CNOT7: variants seen among roughly 807,000 people sequenced by gnomAD.
The protein encoded by CNOT7 is BTG1-binding factor 1.
Under a neutral mutation model 37.1 loss-of-function variants are expected in CNOT7, and 4 were observed. The ratio of observed to expected loss-of-function variants is 0.11; its 90% CI spans 0.05 to 0.25. CNOT7 has a LOEUF of 0.25. Ranked by LOEUF, CNOT7 falls within the 10% of genes least tolerant of loss-of-function variation. The probability of loss-of-function intolerance (pLI) is 1.00; values close to 1 mark genes in which losing one functional copy is unlikely to be tolerated. For synonymous variants in CNOT7, 128 were observed against 115.6 expected, an observed-to-expected ratio of 1.11 and a Z score of -0.69; for missense variants, 170 against 336.2, an observed-to-expected ratio of 0.51 and a Z score of 3.87.
Position 17,240,889 on chromosome 8 carries a change from C to T in CNOT7, c.311+2103G>A, listed in dbSNP as rs117500444. On this transcript the variant is annotated intron_variant, in intron 3 of 6. Coordinates refer to ENST00000361272, the MANE Select transcript of CNOT7 (RefSeq NM_013354.7). ...GTTCAATCTTTTGGCTTCCTTGGGC[C>T]ATACTCAAAGAACTGTCTTGGGCCA... 2.1e-3 allele frequency among the ~76,000 whole-genome samples: 324 copies of T among 152,220 alleles called. 2 individuals carry two copies. Among genetic ancestry groups the T allele is most frequent in the Non-Finnish European group, 3.3e-3 (227 of 68,010 alleles).
rs1585763452 is a variant in CNOT7, at chr8:17,228,020, A to G, written c.*2700T>C. 1 of 152,078 alleles carries G rather than the reference A, an allele frequency of 6.6e-6. No homozygotes were observed. Among genetic ancestry groups the G allele is most frequent in the East Asian group, 1.9e-4 (1 of 5,186 alleles). 9.4% of individuals were successfully genotyped at this position (152,078 alleles called of 1,614,324 possible). A position where few individuals can be genotyped will look rare whatever the true frequency, so the allele number is the denominator to read the frequency against. ...ACTCAACTTTCCCATTATAGCAAAAAAGTATCCATAGATAATATGTAAATT... is the reference window on the plus strand; with the variant it reads ...ACTCAACTTTCCCATTATAGCAAAAGAGTATCCATAGATAATATGTAAATT... On this transcript the variant is annotated 3_prime_UTR_variant, in exon 7 of 7. Coordinates refer to ENST00000361272, the MANE Select transcript of CNOT7 (RefSeq NM_013354.7).
In CNOT7 at chr8:17,229,039, G is replaced by T. The variant is rs1306577892; in HGVS notation, c.*1681C>A. 6.6e-6 allele frequency: 1 copy of T among 151,866 alleles called. No homozygotes were observed. The highest frequency in any genetic ancestry group is 2.4e-5 in the African/African-American group (1 of 41,388). 9.4% of individuals were successfully genotyped at this position (151,866 alleles called of 1,614,324 possible). A position where few individuals can be genotyped will look rare whatever the true frequency, so the allele number is the denominator to read the frequency against. The stretch of plus-strand genomic sequence containing the variant: ...GTCAGTCCTTAATTAGCTAGTTGAG[G>T]TACTCATAAAGAACAAGAATAAGCC... On this transcript the variant is annotated 3_prime_UTR_variant, in exon 7 of 7. Transcript: ENST00000361272.
Position 17,227,323 on chromosome 8 carries a change from C to A in CNOT7, c.*3397G>T, listed in dbSNP as rs137985079. On this transcript the variant is annotated 3_prime_UTR_variant, in exon 7 of 7. Transcript: ENST00000361272. ...CACTTGTAGTTCCATACAAATTCTT[C>A]GATCACTTCAAATCCAGCAATGGTT... 1 of 151,804 alleles carries A rather than the reference C, an allele frequency of 6.6e-6. No homozygotes were observed. Among genetic ancestry groups the A allele is most frequent in the Admixed American group, 6.6e-5 (1 of 15,220 alleles). The allele number at this position is 151,804 out of a possible 1,614,324, so 9.4% of individuals were successfully genotyped here. A position where few individuals can be genotyped will look rare whatever the true frequency, so the allele number is the denominator to read the frequency against.
At chr8:17,245,621 C>T (rs1179595645) in intron 1 of CNOT7, among the ~76,000 whole-genome samples, 3 of 152,122 alleles carry the variant, frequency 2.0e-5, no homozygotes, top group East Asian at 3.8e-4. Context: ...TCAGATGTTA[C>T]CATGGCAAAG....
Position 17,245,246 on chromosome 8 carries a change from A to C in CNOT7, c.-94T>G. On this transcript the variant is annotated splice_region_variant and 5_prime_UTR_variant, in exon 2 of 7. Transcript: ENST00000361272. ...AAAATATTTTATCCTTTATTTATGTACCTGTCAAAATAAAAAAACAATATG... is the reference window on the plus strand; with the variant it reads ...AAAATATTTTATCCTTTATTTATGTCCCTGTCAAAATAAAAAAACAATATG... 1 of 1,306,002 alleles carries C rather than the reference A, an allele frequency of 7.7e-7. No homozygotes were observed. Among genetic ancestry groups the C allele is most frequent in the East Asian group, 2.7e-5 (1 of 37,474 alleles). 80.9% of individuals were successfully genotyped at this position (1,306,002 alleles called of 1,614,324 possible). A position where few individuals can be genotyped will look rare whatever the true frequency, so the allele number is the denominator to read the frequency against.
rs1585767936 is a variant in CNOT7 at position 17,229,766 on chromosome 8, A to G, written c.*954T>C. 2 of 152,050 alleles carry G rather than the reference A, an allele frequency of 1.3e-5. No individual in the cohort carries two copies. The highest frequency in any genetic ancestry group is 4.8e-5 in the African/African-American group (2 of 41,438). 9.4% of individuals were successfully genotyped at this position (152,050 alleles called of 1,614,324 possible). On this transcript the variant is annotated 3_prime_UTR_variant, in exon 7 of 7. Coordinates refer to ENST00000361272, the MANE Select transcript of CNOT7 (RefSeq NM_013354.7). ...TGGTACAAAATATACCTAAAGACTT[A>G]TCTTTGGATTTTTAATAAAATTGAT...
intron 5 of CNOT7, among the ~76,000 whole-genome samples, chr8:17,234,390 A>C (rs1388062430): frequency 6.6e-6 from 1 of 152,162 alleles, no homozygotes; most frequent in Non-Finnish European, 1.5e-5. Flanking sequence ...GTAACAACTC[A>C]CAATGGCGTG....
chr8:17,226,251 A>G lies in CNOT7; in HGVS notation c.*4469T>C, dbSNP rs757534398. 1.3e-5 allele frequency: 2 copies of G among 150,692 alleles called. No homozygotes were observed. The highest frequency in any genetic ancestry group is 4.2e-4 in the South Asian group (2 of 4,794). 9.3% of individuals were successfully genotyped at this position (150,692 alleles called of 1,614,324 possible). On this transcript the variant is annotated 3_prime_UTR_variant, in exon 7 of 7. Transcript: ENST00000361272. ...GAATAATGGGATTTTTTGGCAGGGG[A>G]CGGGAGGTAACATTTTGCTCAATTT... is the stretch of plus-strand genomic sequence containing the variant.
At position 17,229,998 on chromosome 8, in the gene CNOT7, T is replaced by C. The variant is rs1269816248; in HGVS notation, c.*722A>G. 1 of 152,432 alleles carries C rather than the reference T, an allele frequency of 6.6e-6. No homozygotes were observed. Among genetic ancestry groups the C allele is most frequent in the East Asian group, 1.9e-4 (1 of 5,182 alleles). The allele number at this position is 152,432 out of a possible 1,614,324, so 9.4% of individuals were successfully genotyped here. ...GGATTTTTCCTGAAGGGTGTAAAGCTGGTTTGAAAATTCTTCAGTCACAGA... is the reference window on the plus strand; with the variant it reads ...GGATTTTTCCTGAAGGGTGTAAAGCCGGTTTGAAAATTCTTCAGTCACAGA... On this transcript the variant is annotated 3_prime_UTR_variant, in exon 7 of 7. Coordinates refer to ENST00000361272, the MANE Select transcript of CNOT7 (RefSeq NM_013354.7).
At chr8:17,235,737 A>G (rs1378724930) in intron 4 of CNOT7, among the ~76,000 whole-genome samples, 2 of 152,210 alleles carry the variant, frequency 1.3e-5, no homozygotes, top group Admixed American at 6.5e-5. Flanking sequence ...AGGATTTATA[A>G]ACTTCTTAAA....
rs372998164 is a variant in CNOT7, at chr8:17,230,692, G to A, written c.*28C>T. ...CTATATACAAGCATGTGTGTAGCTC[G>A]AAATAAAAATAAAAGGACTATTTCA... On this transcript the variant is annotated 3_prime_UTR_variant, in exon 7 of 7. Transcript: ENST00000361272. 5.7e-6 allele frequency: 9 copies of A among 1,584,110 alleles called. No homozygotes were observed. Among genetic ancestry groups the A allele is most frequent in the Middle Eastern group, 4.5e-4 (2 of 4,438 alleles).
rs1198540324 is a variant in CNOT7, at chr8:17,232,662, A to C, written c.619-125T>G. ...TAGTATGTAAAGGTGAATCTTATAAAGATTGGGGGGAAGAAACAGAGAATG... is the reference window on the plus strand; with the variant it reads ...TAGTATGTAAAGGTGAATCTTATAACGATTGGGGGGAAGAAACAGAGAATG... On this transcript the variant is annotated intron_variant, in intron 5 of 6. Coordinates refer to ENST00000361272, the MANE Select transcript of CNOT7 (RefSeq NM_013354.7). The C allele has an allele frequency of 4.0e-6, 3 of 741,932 alleles. No individual in the cohort carries two copies. The African/African-American group carries it at 5.3e-5, about 13-fold the overall frequency. The allele number at this position is 741,932 out of a possible 1,614,324, so 46.0% of individuals were successfully genotyped here.
chr8:17,228,117 AAAT>A lies in CNOT7; in HGVS notation c.*2600_*2602del, dbSNP rs1158270758. On this transcript the variant is annotated 3_prime_UTR_variant, in exon 7 of 7. Transcript: ENST00000361272. ...TTTCATGTAATTTTCAGATGTCAGGAAATAATCTTTTGATTATTTTTCCCAACC... is the reference window on the plus strand; with the variant it reads ...TTTCATGTAATTTTCAGATGTCAGGAAATCTTTTGATTATTTTTCCCAACC... 6.6e-6 allele frequency: 1 copy of A among 151,936 alleles called. No homozygotes were observed. The highest frequency in any genetic ancestry group is 1.5e-5 in the Non-Finnish European group (1 of 67,836). The allele number at this position is 151,936 out of a possible 1,614,324, so 9.4% of individuals were successfully genotyped here. A position where few individuals can be genotyped will look rare whatever the true frequency, so the allele number is the denominator to read the frequency against.
chr8:17,243,841 T>C (rs888816627), intron 2 of CNOT7, among the ~76,000 whole-genome samples: 2 of 152,232 alleles, frequency 1.3e-5, no homozygotes, highest in African/African-American at 4.8e-5. Context: ...CATGGGTAAG[T>C]ACACCTTTAT....
intron 5 of CNOT7, among the ~76,000 whole-genome samples, chr8:17,233,708 A>G (rs77471238): frequency 2.4e-4 from 36 of 152,330 alleles, no homozygotes; most frequent in African/African-American, 8.4e-4. Context: ...ACTTCCTGGA[A>G]GTCCCCTCAA....
At position 17,228,763 on chromosome 8, in the gene CNOT7, T is replaced by C. The variant is rs1206809434; in HGVS notation, c.*1957A>G. On this transcript the variant is annotated 3_prime_UTR_variant, in exon 7 of 7. Coordinates refer to ENST00000361272, the MANE Select transcript of CNOT7 (RefSeq NM_013354.7). ...CTATGTGGCTAATAAAAAGGCAATC[T>C]TTATCATTCCTATTTGAAATCCAGC... 6.6e-6 allele frequency: 1 copy of C among 151,974 alleles called. No homozygotes were observed. The highest frequency in any genetic ancestry group is 1.9e-4 in the East Asian group (1 of 5,188). 9.4% of individuals were successfully genotyped at this position (151,974 alleles called of 1,614,324 possible).
chr8:17,229,675 C>A lies in CNOT7; in HGVS notation c.*1045G>T, dbSNP rs1808392716. 6.7e-6 allele frequency: 1 copy of A among 150,242 alleles called. No individual in the cohort carries two copies. The allele number at this position is 150,242 out of a possible 1,614,324, so 9.3% of individuals were successfully genotyped here. A position where few individuals can be genotyped will look rare whatever the true frequency, so the allele number is the denominator to read the frequency against. On this transcript the variant is annotated 3_prime_UTR_variant, in exon 7 of 7. Transcript: ENST00000361272. ...ATATATATATTTTGTTGTTTTGTAC[C>A]AAATCTCTCCATTATTTACCTTTGT...
chr8:17,231,973 T>C (rs562248838), intron 6 of CNOT7: 2 of 990,140 alleles, frequency 2.0e-6, no homozygotes, highest in African/African-American at 3.5e-5. Context: ...AAGAATGACA[T>C]GAGCAAATAA....
At position 17,226,121 on chromosome 8, in the gene CNOT7, G is replaced by C. The variant is rs541445082; in HGVS notation, c.*4599C>G. 4.5e-5 allele frequency: 6 copies of C among 132,920 alleles called. No individual in the cohort carries two copies. The highest frequency in any genetic ancestry group is 4.9e-4 in the South Asian group (2 of 4,102). The allele number at this position is 132,920 out of a possible 1,614,324, so 8.2% of individuals were successfully genotyped here. On this transcript the variant is annotated 3_prime_UTR_variant, in exon 7 of 7. Transcript: ENST00000361272. ...AGACAAAATGAAGGACATTATTTAG[G>C]TACTCAAGGAAACTTTTCACCAAAT...
Sources: allele counts gnomAD v4.1 joint callset (sites outside exome capture counted in the v4.1 genomes callset), GRCh38; gene constraint gnomAD v4.1.1; transcripts MANE v1.5; gene names NCBI Gene and HGNC (gene_info 2026-07-23, HGNC 2026-07-21).